The following VPS54 variants were observed in gnomAD, a reference collection of about 807,000 sequenced individuals.
VPS54 encodes vacuolar protein sorting-associated protein 54.
Under a neutral mutation model 121.5 loss-of-function variants are expected in VPS54, and 45 were observed. That is an observed-to-expected ratio of 0.37 (90% CI 0.29 to 0.47). VPS54 has a LOEUF of 0.47. Ranked by LOEUF, VPS54 falls within the 20% of genes least tolerant of loss-of-function variation. The probability of loss-of-function intolerance (pLI) is 0.99; values close to 1 mark genes in which losing one functional copy is unlikely to be tolerated. For synonymous variants in VPS54, 371 were observed against 385.8 expected, an observed-to-expected ratio of 0.96 and a Z score of 0.45; for missense variants, 1,090 against 1,131.4, an observed-to-expected ratio of 0.96 and a Z score of 0.52.
intron 20 of VPS54, among the ~76,000 whole-genome samples, chr2:63,905,983 C>G (rs146944333): frequency 6.6e-6 from 1 of 152,276 alleles, no homozygotes; most frequent in African/African-American, 2.4e-5. Context: ...AATTCAACAT[C>G]TGTTCATCAT....
intron 20 of VPS54, 83 bp downstream of exon 20, chr2:63,912,262 A>G (rs928755174): frequency 8.4e-7 from 1 of 1,185,484 alleles, no homozygotes; most frequent in African/African-American, 1.6e-5. Flanking sequence ...ATCTTTTCAC[A>G]TCTTAATTTA....
intron 1 of VPS54, among the ~76,000 whole-genome samples, chr2:64,002,645 T>C (rs948111358): frequency 5.3e-5 from 8 of 152,212 alleles, no homozygotes; most frequent in South Asian, 2.1e-4. Context: ...TGCAGGGAGA[T>C]GGCAGAAAAA....
At position 64,018,400 on chromosome 2, in the gene VPS54, C is replaced by T. The variant is rs74901713; in HGVS notation, c.-21+538G>A. ...GCAGAAACGGCAGAGAGGGCCTGCC[C>T]TTTCTGTCTATGCAGAGATGGAAGG... is the stretch of plus-strand genomic sequence containing the variant. On this transcript the variant is annotated intron_variant, in intron 1 of 22. Coordinates refer to ENST00000272322, the MANE Select transcript of VPS54 (RefSeq NM_016516.3). Among the ~76,000 whole-genome samples the T allele has an allele frequency of 1.6e-3, 251 of 152,264 alleles. 2 individuals carry two copies. The highest frequency in any genetic ancestry group is 5.8e-3 in the African/African-American group (242 of 41,544).
chr2:63,938,110 C>G (rs1326217142), intron 11 of VPS54, among the ~76,000 whole-genome samples: 1 of 139,154 alleles, frequency 7.2e-6, no homozygotes, highest in Admixed American at 7.1e-5. Flanking sequence ...GCTAGGTTTG[C>G]CCAGGACTTG....
chr2:63,972,252 A>G lies in VPS54; in HGVS notation c.379-8T>C. The stretch of plus-strand genomic sequence containing the variant: ...CTCATGAATCTTCTCTCTCTAATAA[A>G]AAGACAAATAACATCATCAATGTAT... On this transcript the variant is annotated splice_region_variant and splice_polypyrimidine_tract_variant and intron_variant, in intron 3 of 22. Coordinates refer to ENST00000272322, the MANE Select transcript of VPS54 (RefSeq NM_016516.3). 1 of 1,567,732 alleles carries G rather than the reference A, an allele frequency of 6.4e-7. No homozygotes were observed. Among genetic ancestry groups the G allele is most frequent in the Non-Finnish European group, 8.7e-7 (1 of 1,145,906 alleles).
chr2:63,924,641 C>T (rs1453981506), intron 12 of VPS54, among the ~76,000 whole-genome samples: 2 of 151,992 alleles, frequency 1.3e-5, no homozygotes, highest in Admixed American at 6.5e-5. Context: ...ATAGTAAGAC[C>T]CCATCTCTAC....
Position 63,893,192 on chromosome 2 carries a change from A to G in VPS54, c.*238T>C, listed in dbSNP as rs1297270828. 1.6e-5 allele frequency: 9 copies of G among 552,686 alleles called. No homozygotes were observed. Among genetic ancestry groups the G allele is most frequent in the Admixed American group, 3.0e-5 (1 of 32,896 alleles). 34.2% of individuals were successfully genotyped at this position (552,686 alleles called of 1,614,324 possible). On this transcript the variant is annotated 3_prime_UTR_variant, in exon 23 of 23. Transcript: ENST00000272322. Reference sequence around the variant, plus strand: ...AAACCTGAGTCTGTTTCCAGAGAGAATGAAAAATGTTATAGACACCTGATC... The same window carrying G: ...AAACCTGAGTCTGTTTCCAGAGAGAGTGAAAAATGTTATAGACACCTGATC...
chr2:63,937,240 A>T (rs1375917633), intron 11 of VPS54, among the ~76,000 whole-genome samples: 1 of 152,210 alleles, frequency 6.6e-6, no homozygotes, highest in Non-Finnish European at 1.5e-5. Flanking sequence ...AATATTTGTA[A>T]ATCACGTATA....
chr2:63,915,852 T>G (rs1015212283), intron 16 of VPS54, among the ~76,000 whole-genome samples: 15 of 152,150 alleles, frequency 9.9e-5, no homozygotes, highest in African/African-American at 3.4e-4. Context: ...CTTATTATGG[T>G]GCCAAGAAAA....
At chr2:63,928,078 G>GA (rs1673999545) in intron 12 of VPS54, among the ~76,000 whole-genome samples, 1 of 152,216 alleles carries the variant, frequency 6.6e-6, no homozygotes. Context: ...AACCAAGTTA[G>GA]AAAACACTCT....
At chr2:63,922,051 A>C (rs1347679365) in intron 12 of VPS54, among the ~76,000 whole-genome samples, 1 of 152,254 alleles carries the variant, frequency 6.6e-6, no homozygotes, top group Non-Finnish European at 1.5e-5. Flanking sequence ...ATAAATATTC[A>C]GTTCAACTGA....
At chr2:64,011,985 T>C (rs115041483) in intron 1 of VPS54, among the ~76,000 whole-genome samples, 2,015 of 152,222 alleles carry the variant, frequency 0.013, 58 homozygotes, top group African/African-American at 0.046. Context: ...CAAATAAAAA[T>C]ATTAAATGTT....
At chr2:63,940,242 T>TG (rs775496512) in intron 11 of VPS54, among the ~76,000 whole-genome samples, 2 of 152,188 alleles carry the variant, frequency 1.3e-5, no homozygotes, top group African/African-American at 2.4e-5. Context: ...TCAATAAAAA[T>TG]GAACAGCTTG....
chr2:63,940,763 C>T (rs1408958924), intron 11 of VPS54, among the ~76,000 whole-genome samples: 1 of 152,196 alleles, frequency 6.6e-6, no homozygotes, highest in Non-Finnish European at 1.5e-5. Flanking sequence ...CAATTCTACA[C>T]TATGCAATGT....
rs760325610 is a variant in VPS54 at position 63,933,846 on chromosome 2, G to A, written c.1566C>T (p.Phe522=). 11 of 1,613,680 alleles carry A rather than the reference G, an allele frequency of 6.8e-6. No homozygotes were observed. The highest frequency in any genetic ancestry group is 3.3e-5 in the South Asian group (3 of 91,076). ...IHEGMFISDA[F]GEGELTPIAV... ...CTATAGGTGTTAGCTCACCCTCACCGAATGCATCACTTATAAACATGCCTT... is the reference window on the plus strand; with the variant it reads ...CTATAGGTGTTAGCTCACCCTCACCAAATGCATCACTTATAAACATGCCTT... The change falls in exon 12 of 23, where the codon TTC becomes TTT. Residue 522 remains phenylalanine (F), a synonymous_variant. Coordinates refer to ENST00000272322, the MANE Select transcript of VPS54 (RefSeq NM_016516.3).
intron 1 of VPS54, among the ~76,000 whole-genome samples, chr2:64,004,722 T>C (rs1678044470): frequency 6.6e-6 from 1 of 152,194 alleles, no homozygotes; most frequent in East Asian, 1.9e-4. Context: ...CACACAACAC[T>C]ACAATGGACA....
In VPS54 at chr2:63,926,563, G is replaced by A. The variant is rs192995404; in HGVS notation, c.1740-5228C>T. ...ACAGCTCTTGTCTACAGCTCCCAGC[G>A]AGATCGACGCAGAAGACGGGTGATC... On this transcript the variant is annotated intron_variant, in intron 12 of 22. Transcript: ENST00000272322. Among the ~76,000 whole-genome samples the A allele has an allele frequency of 1.4e-4, 21 of 152,348 alleles. No homozygotes were observed. The East Asian group carries it at 1.9e-3, about 14-fold the overall frequency.
rs1210268488 is a variant in VPS54, at chr2:63,934,126, A to C, written c.1399-113T>G. ...GACATCTATAATCATAAATGAGTCA[A>C]AGTCATGTATATCAGAATTTCTACC... On this transcript the variant is annotated intron_variant, in intron 11 of 22. Coordinates refer to ENST00000272322, the MANE Select transcript of VPS54 (RefSeq NM_016516.3). 5.7e-6 allele frequency: 5 copies of C among 878,762 alleles called. No individual in the cohort carries two copies. The East Asian group carries it at 1.3e-4, about 23-fold the overall frequency. 54.4% of individuals were successfully genotyped at this position (878,762 alleles called of 1,614,324 possible).
intron 1 of VPS54, among the ~76,000 whole-genome samples, chr2:64,013,513 G>C (rs1678525003): frequency 1.3e-5 from 2 of 149,914 alleles, no homozygotes; most frequent in African/African-American, 2.5e-5. Flanking sequence ...TAAGTATAGA[G>C]TATACATCAA....
Sources: gnomAD v4.1 joint callset for allele counts (sites outside exome capture counted in the v4.1 genomes callset) on GRCh38, gnomAD v4.1.1 for gene constraint, MANE v1.5 for transcripts, NCBI Gene and HGNC (gene_info 2026-07-23, HGNC 2026-07-21) for gene names.